The following SLC24A3 variants were observed in gnomAD, a reference collection of about 807,000 sequenced individuals.
SLC24A3 encodes solute carrier family 24 member 3.
SLC24A3 carries 28 observed loss-of-function variants against 75.8 expected under a neutral mutation model. That is an observed-to-expected ratio of 0.37 (90% CI 0.27 to 0.51). SLC24A3 has a LOEUF of 0.51. Among genes scored for constraint, SLC24A3 ranks in the 20% least tolerant of loss-of-function variants. The pLI is 0.94. For synonymous variants in SLC24A3, 372 were observed against 334.1 expected, an observed-to-expected ratio of 1.11 and a Z score of -1.24; for missense variants, 663 against 847.8, an observed-to-expected ratio of 0.78 and a Z score of 2.71.
chr20:19,218,570 T>C (rs991897898), intron 1 of SLC24A3, among the ~76,000 whole-genome samples: 1 of 152,232 alleles, frequency 6.6e-6, no homozygotes, highest in East Asian at 1.9e-4. Context: ...TTTCAACCTT[T>C]TCTATTTTTT....
At chr20:19,236,858 A>G (rs1277565322) in intron 1 of SLC24A3, among the ~76,000 whole-genome samples, 14 of 152,160 alleles carry the variant, frequency 9.2e-5, no homozygotes, top group Admixed American at 9.2e-4. Context: ...AGAGAGAGGG[A>G]TGCAAGTGTG....
At chr20:19,595,284 G>T (rs568866003) in intron 6 of SLC24A3, among the ~76,000 whole-genome samples, 59 of 152,312 alleles carry the variant, frequency 3.9e-4, no homozygotes, top group African/African-American at 1.4e-3. Flanking sequence ...GTCTCTGCCT[G>T]TTCCTTACTG....
At chr20:19,385,439 A>G (rs986796675) in intron 2 of SLC24A3, among the ~76,000 whole-genome samples, 2 of 152,290 alleles carry the variant, frequency 1.3e-5, no homozygotes, top group African/African-American at 4.8e-5. Context: ...TTGAAGATCA[A>G]TCAACTGTAA....
intron 2 of SLC24A3, among the ~76,000 whole-genome samples, chr20:19,418,091 A>G (rs543185273): frequency 1.3e-5 from 2 of 152,362 alleles, no homozygotes; most frequent in East Asian, 3.9e-4. Context: ...GCTTTCAGTC[A>G]ACATTTTAGC....
intron 13 of SLC24A3, 178 bp downstream of exon 13, chr20:19,693,603 A>G: frequency 4.2e-6 from 3 of 713,862 alleles, no homozygotes; most frequent in East Asian, 2.8e-5. Context: ...TCCTGCTCAC[A>G]CGTCTTCATG....
intron 1 of SLC24A3, among the ~76,000 whole-genome samples, chr20:19,248,737 G>A (rs13038020): frequency 0.094 from 14,348 of 151,872 alleles, 1,195 homozygotes; most frequent in African/African-American, 0.23. Flanking sequence ...GCCAAGATAC[G>A]GCAGCAACCA....
intron 2 of SLC24A3, among the ~76,000 whole-genome samples, chr20:19,409,112 G>A (rs1039189259): frequency 2.0e-5 from 3 of 152,170 alleles, no homozygotes; most frequent in African/African-American, 2.4e-5. Flanking sequence ...GATTGGTGAG[G>A]AGGGAGACTT....
Position 19,598,547 on chromosome 20 carries a change from A to G in SLC24A3, c.612+13003A>G, listed in dbSNP as rs376532412. 9.9e-5 allele frequency among the ~76,000 whole-genome samples: 15 copies of G among 152,184 alleles called. 1 individual carries two copies. In the East Asian group the frequency reaches 1.7e-3, roughly 18 times the overall value. On this transcript the variant is annotated intron_variant, in intron 6 of 16. Transcript: ENST00000328041. ...ATATACCTGAGTGCCATTGCCTGGG[A>G]GAGGAGAAAGAATAAAGCACACTGG... is the stretch of plus-strand genomic sequence containing the variant.
chr20:19,708,645 G>C (rs925617248), intron 15 of SLC24A3, among the ~76,000 whole-genome samples: 29 of 152,172 alleles, frequency 1.9e-4, no homozygotes, highest in African/African-American at 7.0e-4. Flanking sequence ...TTTACACCAC[G>C]GAAACAGGAC....
chr20:19,416,936 G>T (rs747292985), intron 2 of SLC24A3, among the ~76,000 whole-genome samples: 1 of 152,202 alleles, frequency 6.6e-6, no homozygotes, highest in Non-Finnish European at 1.5e-5. Context: ...CACAGAAGGG[G>T]AGCAGTTAAC....
chr20:19,668,583 C>T (rs1362094164), intron 8 of SLC24A3, among the ~76,000 whole-genome samples: 1 of 152,160 alleles, frequency 6.6e-6, no homozygotes, highest in African/African-American at 2.4e-5. Context: ...CTACAGTACT[C>T]TTTAAGAGGA....
At chr20:19,644,227 C>T (rs7274108) in intron 6 of SLC24A3, among the ~76,000 whole-genome samples, 42,101 of 152,030 alleles carry the variant, frequency 0.28, 7,635 homozygotes, top group Non-Finnish European at 0.4. Context: ...CCACTTCTCA[C>T]GGGGAGGGCC....
chr20:19,557,479 T>C lies in SLC24A3; in HGVS notation c.349-22521T>C, dbSNP rs183073210. 1.4e-3 allele frequency among the ~76,000 whole-genome samples: 217 copies of C among 152,308 alleles called. 1 individual carries two copies. Among genetic ancestry groups the C allele is most frequent in the Admixed American group, 5.4e-3 (83 of 15,308 alleles). Reference sequence around the variant, plus strand: ...ATTTGCAAGCTAACCCCTATGTCCATCTATTGACAAATCACTTCCTCAAAC... The same window carrying C: ...ATTTGCAAGCTAACCCCTATGTCCACCTATTGACAAATCACTTCCTCAAAC... On this transcript the variant is annotated intron_variant, in intron 3 of 16. Coordinates refer to ENST00000328041, the MANE Select transcript of SLC24A3 (RefSeq NM_020689.4).
Position 19,346,304 on chromosome 20 carries a change from A to G in SLC24A3, c.271+65217A>G, listed in dbSNP as rs201791595. Among the ~76,000 whole-genome samples the G allele has an allele frequency of 4.6e-4, 26 of 56,632 alleles. 1 individual carries two copies. Among genetic ancestry groups the G allele is most frequent in the Admixed American group, 1.2e-3 (5 of 4,200 alleles). 37.2% of individuals were successfully genotyped at this position (56,632 alleles called of 152,430 possible). A position where few individuals can be genotyped will look rare whatever the true frequency, so the allele number is the denominator to read the frequency against. ...TATATATGGTATATATATATGGTGT[A>G]TATATATATATGGTATATATATATG... On this transcript the variant is annotated intron_variant, in intron 2 of 16. Transcript: ENST00000328041.
At chr20:19,271,429 A>C (rs1188500572) in intron 1 of SLC24A3, among the ~76,000 whole-genome samples, 5 of 152,220 alleles carry the variant, frequency 3.3e-5, no homozygotes, top group African/African-American at 1.2e-4. Context: ...AACAGTGTGG[A>C]GATTCCTTAA....
At chr20:19,717,757 A>T (rs2033058855) in intron 16 of SLC24A3, among the ~76,000 whole-genome samples, 164 bp downstream of exon 16, 1 of 152,194 alleles carries the variant, frequency 6.6e-6, no homozygotes, top group Non-Finnish European at 1.5e-5. Flanking sequence ...GCAACCCACT[A>T]GAACACCTTC....
At chr20:19,538,010 T>TAA (rs2030431338) in intron 3 of SLC24A3, among the ~76,000 whole-genome samples, 1 of 151,916 alleles carries the variant, frequency 6.6e-6, no homozygotes, top group African/African-American at 2.4e-5. Context: ...ACATGTACCC[T>TAA]AAAACTTAAA....
At chr20:19,617,051 A>G (rs1026770354) in intron 6 of SLC24A3, among the ~76,000 whole-genome samples, 26 of 152,182 alleles carry the variant, frequency 1.7e-4, no homozygotes, top group Non-Finnish European at 3.5e-4. Context: ...CCTGGAATAT[A>G]TGGTGCATCA....
At chr20:19,630,983 T>G (rs984239726) in intron 6 of SLC24A3, among the ~76,000 whole-genome samples, 1 of 152,240 alleles carries the variant, frequency 6.6e-6, no homozygotes, top group Non-Finnish European at 1.5e-5. Flanking sequence ...ACCCTCATTA[T>G]GCAGGACATA....
Sources: allele counts gnomAD v4.1 joint callset (sites outside exome capture counted in the v4.1 genomes callset), GRCh38; gene constraint gnomAD v4.1.1; transcripts MANE v1.5; gene names NCBI Gene and HGNC (gene_info 2026-07-23, HGNC 2026-07-21).